Variants in GGH observed in about 807,000 individuals in gnomAD.
GGH encodes the protein gamma-glutamyl hydrolase, also known as gamma-Glu-X carboxypeptidase.
GGH carries 18 observed loss-of-function variants against 39.2 expected under a neutral mutation model. The ratio of observed to expected loss-of-function variants is 0.46; its 90% confidence interval spans 0.32 to 0.68. GGH has a LOEUF of 0.68. Ranked by LOEUF, GGH falls within the 30% of genes least tolerant of loss-of-function variation. GGH has a pLI of 0.04. For missense variants in GGH, 367 were observed against 384.1 expected (o/e 0.96, Z 0.37); for synonymous variants, 147 against 138.8 (o/e 1.06, Z -0.42).
rs1418983195 is a variant in GGH at position 63,015,404 on chromosome 8, T to C, written c.885A>G (p.Ala295=). 4 of 1,468,866 alleles carry C rather than the reference T, an allele frequency of 2.7e-6. No individual in the cohort carries two copies. In the South Asian group the frequency reaches 3.6e-5, roughly 13 times the overall value. The allele number at this position is 1,468,866 out of a possible 1,614,324, so 91.0% of individuals were successfully genotyped here. A position where few individuals can be genotyped will look rare whatever the true frequency, so the allele number is the denominator to read the frequency against. The change falls in exon 9 of 9, where the codon GCA becomes GCG. Residue 295 remains alanine (A), a synonymous_variant. Coordinates refer to ENST00000260118, the MANE Select transcript of GGH (RefSeq NM_003878.3). ...AAATTGGACTGAACTGATAAATCAATGCTTTCTCCTCTTCAGATTCAGATT... is the reference window on the plus strand; with the variant it reads ...AAATTGGACTGAACTGATAAATCAACGCTTTCTCCTCTTCAGATTCAGATT... ...HFKSESEEEK[A]LIYQFSPIYT... is the part of the protein sequence containing the mutation.
chr8:63,022,702 A>G (rs1209405824), intron 7 of GGH, among the ~76,000 whole-genome samples: 1 of 135,162 alleles, frequency 7.4e-6, no homozygotes, highest in Non-Finnish European at 1.6e-5. Context: ...CTTTTTTTGT[A>G]TTTTCAGTAG....
intron 1 of GGH, among the ~76,000 whole-genome samples, chr8:63,037,148 T>C (rs1804925114): frequency 6.6e-6 from 1 of 152,218 alleles, no homozygotes; most frequent in African/African-American, 2.4e-5. Flanking sequence ...CTTCTTACAA[T>C]TGGCATTCAT....
At chr8:63,031,618 T>C (rs1804807430) in intron 2 of GGH, among the ~76,000 whole-genome samples, 1 of 152,186 alleles carries the variant, frequency 6.6e-6, no homozygotes, top group South Asian at 2.1e-4. Context: ...TGCAAGCTAG[T>C]TTCAGTCATT....
In GGH at chr8:63,038,742, G is replaced by T. The variant is rs780309319; in HGVS notation, c.27C>A (p.Cys9Ter). The change falls in exon 1 of 9, where the codon TGC (cysteine) becomes TGA (stop). Residue 9 changes from cysteine to a stop codon, truncating the protein, a stop_gained. Coordinates refer to ENST00000260118, the MANE Select transcript of GGH (RefSeq NM_003878.3). LOFTEE classifies it high-confidence loss of function. MASPGCLLCVLGLLLCGAA... is the reference protein window; with the variant it reads MASPGCLL The stretch of plus-strand genomic sequence containing the variant: ...CCCCGCAGAGTAGCAGGCCCAGCAC[G>T]CACAGCAGGCAGCCCGGACTGGCCA... 6.3e-7 allele frequency: 1 copy of T among 1,577,308 alleles called. No homozygotes were observed. Among genetic ancestry groups the T allele is most frequent in the South Asian group, 1.2e-5 (1 of 86,546 alleles).
intron 3 of GGH, among the ~76,000 whole-genome samples, chr8:63,029,525 T>A (rs1373242273): frequency 1.3e-5 from 2 of 152,120 alleles, no homozygotes; most frequent in African/African-American, 4.8e-5. Context: ...GGAATATATT[T>A]ATAAAATAAA....
At chr8:63,018,607 G>A (rs542849910) in intron 7 of GGH, among the ~76,000 whole-genome samples, 1 of 152,282 alleles carries the variant, frequency 6.6e-6, no homozygotes, top group African/African-American at 2.4e-5. Flanking sequence ...TGCAGCTCCA[G>A]GCACTCAGCT....
intron 7 of GGH, 65 bp downstream of exon 7, chr8:63,023,842 A>G: frequency 8.7e-7 from 1 of 1,143,636 alleles, no homozygotes; most frequent in Non-Finnish European, 1.2e-6. Context: ...TTGATGAGAC[A>G]TATAAAATCA....
At chr8:63,016,164 C>T (rs189576723) in intron 8 of GGH, among the ~76,000 whole-genome samples, 12 of 152,246 alleles carry the variant, frequency 7.9e-5, no homozygotes, top group Middle Eastern at 3.4e-3. Flanking sequence ...CAGGCTCTTA[C>T]GGCATTTTCA....
Position 63,029,228 on chromosome 8 carries a change from A to G in GGH, c.275+939T>C, listed in dbSNP as rs573353607. On this transcript the variant is annotated intron_variant, in intron 3 of 8. Transcript: ENST00000260118. ...CTGTGTTGATTTGGTAGAAATATGCATATCTCTTCACCCCCACCTTTAACA... is the reference window on the plus strand; with the variant it reads ...CTGTGTTGATTTGGTAGAAATATGCGTATCTCTTCACCCCCACCTTTAACA... Among the ~76,000 whole-genome samples the G allele has an allele frequency of 8.5e-5, 13 of 152,328 alleles. No homozygotes were observed. The South Asian group carries it at 2.5e-3, about 29-fold the overall frequency.
In GGH at chr8:63,017,494, T is replaced by C. The variant is rs778610598; in HGVS notation, c.834A>G (p.Glu278=). 6.2e-7 allele frequency: 1 copy of C among 1,607,026 alleles called. No individual in the cohort carries two copies. Among genetic ancestry groups the C allele is most frequent in the Admixed American group, 1.7e-5 (1 of 59,080 alleles). The part of the protein sequence containing the change: ...AFYLAEFFVN[E]ARKNNHHFKS... ...CAAAATTATGTACCCTCATATTACC[T>C]TCATTAACAAAAAACTCTGCTAAAT... The change falls in exon 8 of 9, where the codon GAA becomes GAG. Residue 278 remains glutamate (E), a splice_region_variant and synonymous_variant. Transcript: ENST00000260118.
intron 1 of GGH, 32 bp downstream of exon 1, chr8:63,038,628 C>T (rs1394388586): frequency 1.6e-6 from 2 of 1,237,366 alleles, no homozygotes; most frequent in African/African-American, 3.0e-5. Flanking sequence ...CAGCTCCTCC[C>T]CGTCTGCTGC....
intron 1 of GGH, 22 bp from the exon 2 acceptor site, chr8:63,035,792 GT>G (rs761012028): frequency 3.2e-6 from 5 of 1,582,322 alleles, no homozygotes; most frequent in Non-Finnish European, 4.3e-6. Context: ...AAAAAGTTTA[GT>G]TTCAAGCAAA....
intron 1 of GGH, 72 bp downstream of exon 1, chr8:63,038,588 C>CGGGGG: frequency 1.2e-5 from 9 of 754,204 alleles, no homozygotes; most frequent in African/African-American, 1.8e-5. Flanking sequence ...AGCTGGAGCG[C>CGGGGG]GGCGGCGGGA....
chr8:63,034,072 C>T (rs541013815), intron 2 of GGH, among the ~76,000 whole-genome samples: 8 of 147,950 alleles, frequency 5.4e-5, no homozygotes, highest in African/African-American at 2.0e-4. Context: ...CCCATCCACA[C>T]GGTCAGCACT....
At chr8:63,017,797 T>A (rs1362986826) in intron 7 of GGH, 167 bp from the exon 8 acceptor site, 1 of 513,854 alleles carries the variant, frequency 1.9e-6, no homozygotes, top group Non-Finnish European at 3.4e-6. Context: ...ATAATCAATG[T>A]GAAAATTCCC....
intron 1 of GGH, among the ~76,000 whole-genome samples, chr8:63,036,536 G>A (rs34231825): frequency 0.21 from 31,744 of 152,054 alleles, 3,589 homozygotes; most frequent in South Asian, 0.27. Context: ...ATGGCTGGTC[G>A]TAAGCACTAA....
chr8:63,026,290 CA>C lies in GGH; in HGVS notation c.366del (p.Phe122LeufsTer22). 6.3e-7 allele frequency: 1 copy of C among 1,596,378 alleles called. No homozygotes were observed. The highest frequency in any genetic ancestry group is 2.2e-5 in the East Asian group (1 of 44,528). ...KIFYNLSIQS[F>X]DDGDYFPVWG... is the part of the protein sequence containing the mutation. ...CACACAGGAAAATAGTCTCCATCAT[CA>C]AAACTCTTTGCAAGTGGAAAAAGAG... On this transcript the variant is annotated frameshift_variant, in exon 5 of 9. Transcript: ENST00000260118. LOFTEE classifies it high-confidence loss of function.
rs536483894 is a variant in GGH, at chr8:63,025,966, T to C, written c.499+192A>G. 1.2e-4 allele frequency among the ~76,000 whole-genome samples: 19 copies of C among 152,326 alleles called. No homozygotes were observed. In the South Asian group the frequency reaches 3.9e-3, roughly 32 times the overall value. ...TTCACAATTCCTTAAGTCATCCTCA[T>C]AAATGAGTACAAGGATGGTCATTCA... On this transcript the variant is annotated intron_variant, in intron 5 of 8. Coordinates refer to ENST00000260118, the MANE Select transcript of GGH (RefSeq NM_003878.3).
chr8:63,038,640 G>A lies in GGH; in HGVS notation c.109+20C>T. The stretch of plus-strand genomic sequence containing the variant: ...ACCCAGCTCCTCCCCGTCTGCTGCG[G>A]CCCCGCACAGCCTCCTTACCGATGA... On this transcript the variant is annotated intron_variant, in intron 1 of 8. Coordinates refer to ENST00000260118, the MANE Select transcript of GGH (RefSeq NM_003878.3). The A allele has an allele frequency of 1.5e-6, 2 of 1,356,452 alleles. No homozygotes were observed. Among genetic ancestry groups the A allele is most frequent in the Non-Finnish European group, 2.0e-6 (2 of 995,036 alleles). 84.0% of individuals were successfully genotyped at this position (1,356,452 alleles called of 1,614,324 possible). A position where few individuals can be genotyped will look rare whatever the true frequency, so the allele number is the denominator to read the frequency against.
Sources: allele counts gnomAD v4.1 joint callset (sites outside exome capture counted in the v4.1 genomes callset), GRCh38; gene constraint gnomAD v4.1.1; transcripts MANE v1.5; gene names NCBI Gene and HGNC (gene_info 2026-07-23, HGNC 2026-07-21).